Variants in ZNF354C observed in about 807,000 individuals in gnomAD.
The protein encoded by ZNF354C is zinc finger protein 354C.
Under a neutral mutation model 12.4 loss-of-function variants are expected in ZNF354C, and 7 were observed. The ratio of observed to expected loss-of-function variants is 0.56; its 90% CI spans 0.32 to 1.06. The LOEUF (loss-of-function observed/expected upper bound fraction) is 1.06. Ranked by LOEUF, ZNF354C falls within the 50% of genes least tolerant of loss-of-function variation. The pLI is 0.04. For synonymous variants in ZNF354C, 202 were observed against 224.5 expected (o/e 0.90, Z 0.90); for missense variants, 609 against 658.0 (o/e 0.93, Z 0.81).
Position 179,080,290 on chromosome 5 carries a change from C to A in ZNF354C, c.*193C>A. On this transcript the variant is annotated 3_prime_UTR_variant, in exon 5 of 5. Transcript: ENST00000315475. ...TTAAATTTTAAAAGAACCATAAATT[C>A]TAAGGTATCTAAAAACCTATGAGTA... 2.7e-6 allele frequency: 1 copy of A among 377,014 alleles called. No homozygotes were observed. Among genetic ancestry groups the A allele is most frequent in the Non-Finnish European group, 4.7e-6 (1 of 212,592 alleles). 23.4% of individuals were successfully genotyped at this position (377,014 alleles called of 1,614,324 possible).
chr5:179,082,478 A>G lies in ZNF354C; in HGVS notation c.*2381A>G, dbSNP rs1337303667. On this transcript the variant is annotated 3_prime_UTR_variant, in exon 5 of 5. Transcript: ENST00000315475. Reference sequence around the variant, plus strand: ...AGGACAACTGGACTTTTTTTTATATATTTATTTTAAAATGGTTTTCTTAAA... The same window carrying G: ...AGGACAACTGGACTTTTTTTTATATGTTTATTTTAAAATGGTTTTCTTAAA... 4 of 549,164 alleles carry G rather than the reference A, an allele frequency of 7.3e-6. No individual in the cohort carries two copies. In the East Asian group the frequency reaches 1.2e-4, roughly 17 times the overall value. The allele number at this position is 549,164 out of a possible 1,614,324, so 34.0% of individuals were successfully genotyped here.
chr5:179,060,744 C>T lies in ZNF354C; in HGVS notation c.-55+78C>T, dbSNP rs1217200939. ...GTTCATTCTGCGATTTTCTTCTGTG[C>T]ATTTTCTTCTGAGTAACGGAAATAA... is the stretch of plus-strand genomic sequence containing the variant. On this transcript the variant is annotated intron_variant, in intron 1 of 4. Transcript: ENST00000315475. The surrounding 1 kb of genome is among the most constrained non-coding windows in gnomAD (Gnocchi z 4.2). 6.6e-6 allele frequency: 1 copy of T among 152,274 alleles called. No homozygotes were observed. The highest frequency in any genetic ancestry group is 2.4e-5 in the African/African-American group (1 of 41,466). 9.4% of individuals were successfully genotyped at this position (152,274 alleles called of 1,614,324 possible).
At chr5:179,072,086 T>C (rs930046819) in intron 2 of ZNF354C, among the ~76,000 whole-genome samples, 3 of 151,878 alleles carry the variant, frequency 2.0e-5, no homozygotes, top group African/African-American at 7.3e-5. Context: ...AGGAAGACAA[T>C]CAATAGAGAC....
rs1262073089 is a variant in ZNF354C, at chr5:179,081,268, C to T, written c.*1171C>T. On this transcript the variant is annotated 3_prime_UTR_variant, in exon 5 of 5. Coordinates refer to ENST00000315475, the MANE Select transcript of ZNF354C (RefSeq NM_014594.3). The stretch of plus-strand genomic sequence containing the variant: ...TATAATTGTACTTAAATCCTTAAAG[C>T]TAGCTGAGGTCCAGATAGTGTAATT... 6.6e-6 allele frequency: 1 copy of T among 152,102 alleles called. No individual in the cohort carries two copies. The highest frequency in any genetic ancestry group is 2.4e-5 in the African/African-American group (1 of 41,418). The allele number at this position is 152,102 out of a possible 1,614,324, so 9.4% of individuals were successfully genotyped here. A position where few individuals can be genotyped will look rare whatever the true frequency, so the allele number is the denominator to read the frequency against.
chr5:179,065,130 G>A (rs1035838211), intron 2 of ZNF354C, among the ~76,000 whole-genome samples: 8 of 151,984 alleles, frequency 5.3e-5, no homozygotes, highest in African/African-American at 1.9e-4. Context: ...ATCATACCCT[G>A]CACCCAGCTT....
chr5:179,063,974 A>G (rs913820882), intron 2 of ZNF354C, among the ~76,000 whole-genome samples: 2 of 152,218 alleles, frequency 1.3e-5, no homozygotes, highest in African/African-American at 2.4e-5. Context: ...TTAGAAGCAG[A>G]TGGATATTTC....
intron 2 of ZNF354C, among the ~76,000 whole-genome samples, chr5:179,075,192 G>C (rs993105810): frequency 1.3e-5 from 2 of 151,930 alleles, no homozygotes; most frequent in African/African-American, 2.4e-5. Context: ...CCGGGAGGCA[G>C]AGCTTGCAGT....
At chr5:179,061,694 G>A (rs1027547715) in intron 1 of ZNF354C, among the ~76,000 whole-genome samples, 1 of 151,982 alleles carries the variant, frequency 6.6e-6, no homozygotes, top group Admixed American at 6.6e-5. Flanking sequence ...GGGAAGTGGC[G>A]CCCCAGGAGA....
In ZNF354C at chr5:179,082,867, C is replaced by T. The variant is rs1409176676; in HGVS notation, c.*2770C>T. The T allele has an allele frequency of 8.8e-7, 1 of 1,133,590 alleles. No homozygotes were observed. The highest frequency in any genetic ancestry group is 1.3e-6 in the Non-Finnish European group (1 of 743,900). 70.2% of individuals were successfully genotyped at this position (1,133,590 alleles called of 1,614,324 possible). On this transcript the variant is annotated 3_prime_UTR_variant, in exon 5 of 5. Transcript: ENST00000315475. ...TTGGGGCCCTCACAGACTCGCCAAA[C>T]ATTCCAGGCACTGCACTTGCCAGTG...
At position 179,082,057 on chromosome 5, in the gene ZNF354C, T is replaced by C. The variant is rs1183574874; in HGVS notation, c.*1960T>C. 1 of 152,272 alleles carries C rather than the reference T, an allele frequency of 6.6e-6. No individual in the cohort carries two copies. The highest frequency in any genetic ancestry group is 2.4e-5 in the African/African-American group (1 of 41,470). The allele number at this position is 152,272 out of a possible 1,614,324, so 9.4% of individuals were successfully genotyped here. A position where few individuals can be genotyped will look rare whatever the true frequency, so the allele number is the denominator to read the frequency against. ...CTTCTTTTAAATGTACATGGAATGA[T>C]AGATTTGGAAAAATTACCATTTTAC... On this transcript the variant is annotated 3_prime_UTR_variant, in exon 5 of 5. Coordinates refer to ENST00000315475, the MANE Select transcript of ZNF354C (RefSeq NM_014594.3).
intron 2 of ZNF354C, among the ~76,000 whole-genome samples, chr5:179,069,555 C>T (rs1005238549): frequency 8.0e-6 from 1 of 125,698 alleles, no homozygotes; most frequent in African/African-American, 2.9e-5. Flanking sequence ...GAGCAAGACT[C>T]CATCTCAAAA....
At chr5:179,069,883 A>C (rs948614559) in intron 2 of ZNF354C, among the ~76,000 whole-genome samples, 7 of 152,152 alleles carry the variant, frequency 4.6e-5, no homozygotes, top group African/African-American at 7.2e-5. Flanking sequence ...AACAAACAAA[A>C]AAAACCAGAT....
In ZNF354C at chr5:179,080,798, A is replaced by G. The variant is rs553253689; in HGVS notation, c.*701A>G. On this transcript the variant is annotated 3_prime_UTR_variant, in exon 5 of 5. Coordinates refer to ENST00000315475, the MANE Select transcript of ZNF354C (RefSeq NM_014594.3). Reference sequence around the variant, plus strand: ...ATTTCTTAAATTGATGTGGTTTTATATAACTGAACAGAGTACTATTACAGT... The same window carrying G: ...ATTTCTTAAATTGATGTGGTTTTATGTAACTGAACAGAGTACTATTACAGT... 21 of 152,304 alleles carry G rather than the reference A, an allele frequency of 1.4e-4. No individual in the cohort carries two copies. The highest frequency in any genetic ancestry group is 4.8e-4 in the African/African-American group (20 of 41,562). The allele number at this position is 152,304 out of a possible 1,614,324, so 9.4% of individuals were successfully genotyped here. A position where few individuals can be genotyped will look rare whatever the true frequency, so the allele number is the denominator to read the frequency against.
chr5:179,076,649 G>T, intron 3 of ZNF354C, 78 bp downstream of exon 3: 1 of 1,562,404 alleles, frequency 6.4e-7, no homozygotes. Context: ...CGAGCCTGTG[G>T]TCTTGTACCC....
chr5:179,083,761 A>G lies in ZNF354C; in HGVS notation c.*3664A>G, dbSNP rs1762259058. On this transcript the variant is annotated 3_prime_UTR_variant, in exon 5 of 5. Transcript: ENST00000315475. ...ACCCTCAAAAGTAATGATTGATAAC[A>G]ACAGGCAGATTTGGGAAGGAAACTA... 6.6e-6 allele frequency among the ~76,000 whole-genome samples: 1 copy of G among 152,230 alleles called. No individual in the cohort carries two copies. Among genetic ancestry groups the G allele is most frequent in the Non-Finnish European group, 1.5e-5 (1 of 68,030 alleles).
At chr5:179,067,220 C>T (rs1159775230) in intron 2 of ZNF354C, among the ~76,000 whole-genome samples, 5 of 152,158 alleles carry the variant, frequency 3.3e-5, no homozygotes, top group Non-Finnish European at 7.3e-5. Flanking sequence ...GTTCACATGT[C>T]AGGTAGTTGA....
At chr5:179,064,649 C>T (rs1343608914) in intron 2 of ZNF354C, among the ~76,000 whole-genome samples, 1 of 150,686 alleles carries the variant, frequency 6.6e-6, no homozygotes, top group Admixed American at 6.6e-5. Flanking sequence ...CTCCTGACCT[C>T]GTGATCCACC....
intron 2 of ZNF354C, among the ~76,000 whole-genome samples, chr5:179,068,457 G>A (rs1209848406): frequency 6.6e-6 from 1 of 152,174 alleles, no homozygotes; most frequent in African/African-American, 2.4e-5. Context: ...TCTAAAAGAG[G>A]AACAAAAGTT....
At position 179,081,263 on chromosome 5, in the gene ZNF354C, T is replaced by TA. The variant is rs1424027040; in HGVS notation, c.*1169dup. On this transcript the variant is annotated 3_prime_UTR_variant, in exon 5 of 5. Transcript: ENST00000315475. The stretch of plus-strand genomic sequence containing the variant: ...TTTGTTATAATTGTACTTAAATCCT[T>TA]AAAGCTAGCTGAGGTCCAGATAGTG... 1 of 152,176 alleles carries TA rather than the reference T, an allele frequency of 6.6e-6. No homozygotes were observed. The highest frequency in any genetic ancestry group is 1.9e-4 in the East Asian group (1 of 5,200). The allele number at this position is 152,176 out of a possible 1,614,324, so 9.4% of individuals were successfully genotyped here. A position where few individuals can be genotyped will look rare whatever the true frequency, so the allele number is the denominator to read the frequency against.
Sources: allele counts gnomAD v4.1 joint callset (sites outside exome capture counted in the v4.1 genomes callset), GRCh38; gene constraint gnomAD v4.1.1; non-coding constraint Gnocchi (gnomAD v3.1); transcripts MANE v1.5; gene names NCBI Gene and HGNC (gene_info 2026-07-23, HGNC 2026-07-21).